The following CTNNA2 variants were observed in gnomAD, a reference collection of about 807,000 sequenced individuals.
The protein encoded by CTNNA2 is catenin alpha-2.
CTNNA2 carries 42 observed loss-of-function variants against 101.0 expected under a neutral mutation model. The observed-to-expected ratio is 0.42, with a 90% CI of 0.32 to 0.54. The LOEUF (loss-of-function observed/expected upper bound fraction) is 0.54. CTNNA2 is among the 20% of genes least tolerant of loss of function. The probability of loss-of-function intolerance (pLI) is 0.14; values close to 1 mark genes in which losing one functional copy is unlikely to be tolerated. For missense variants in CTNNA2, 871 were observed against 1,223.1 expected (o/e 0.71, Z 4.29); for synonymous variants, 450 against 456.4 (o/e 0.99, Z 0.18).
chr2:80,648,400 C>G lies in CTNNA2; in HGVS notation c.*528C>G, dbSNP rs2149875705. The stretch of plus-strand genomic sequence containing the variant: ...TCCGTGATATTATGTCGATTTTTAA[C>G]TGAGGGGAAATTAACTAGTCCAGCC... On this transcript the variant is annotated 3_prime_UTR_variant, in exon 19 of 19. Transcript: ENST00000402739. 1 of 152,692 alleles carries G rather than the reference C, an allele frequency of 6.5e-6. No individual in the cohort carries two copies. Among genetic ancestry groups the G allele is most frequent in the Middle Eastern group, 3.4e-3 (1 of 294 alleles). 9.5% of individuals were successfully genotyped at this position (152,692 alleles called of 1,614,324 possible).
chr2:79,377,662 A>G (rs1677993399), intron 4 of CTNNA2, among the ~76,000 whole-genome samples: 1 of 152,158 alleles, frequency 6.6e-6, no homozygotes, highest in South Asian at 2.1e-4. Context: ...GGAAAAGGGC[A>G]TGTTTGCTTT....
intron 2 of CTNNA2, among the ~76,000 whole-genome samples, chr2:79,227,290 A>T (rs935382269): frequency 6.6e-6 from 1 of 152,210 alleles, no homozygotes; most frequent in African/African-American, 2.4e-5. Flanking sequence ...ACCCAGGGGT[A>T]GGACTAGAAG....
intron 4 of CTNNA2, among the ~76,000 whole-genome samples, chr2:79,417,077 C>G (rs1678492680): frequency 1.3e-5 from 2 of 152,108 alleles, no homozygotes; most frequent in Admixed American, 1.3e-4. Flanking sequence ...CATAAGTATA[C>G]TCTAAGATCT....
intron 2 of CTNNA2, among the ~76,000 whole-genome samples, chr2:79,278,409 T>C (rs1675272176): frequency 6.6e-6 from 1 of 151,950 alleles, no homozygotes; most frequent in Non-Finnish European, 1.5e-5. Context: ...GGGAAAGGTA[T>C]TGGTAATAGG....
At chr2:80,401,302 A>G (rs935410753) in intron 8 of CTNNA2, among the ~76,000 whole-genome samples, 3 of 152,140 alleles carry the variant, frequency 2.0e-5, no homozygotes, top group African/African-American at 7.2e-5. Flanking sequence ...AAATATCCCA[A>G]TCATCAACTT....
chr2:79,877,685 T>G (rs1171568436), intron 6 of CTNNA2, among the ~76,000 whole-genome samples: 1 of 152,198 alleles, frequency 6.6e-6, no homozygotes, highest in Non-Finnish European at 1.5e-5. Flanking sequence ...TGGTTTACTT[T>G]TCTGGCAAAA....
At chr2:80,624,556 T>C (rs3770371) in intron 18 of CTNNA2, among the ~76,000 whole-genome samples, 55,526 of 151,768 alleles carry the variant, frequency 0.37, 10,906 homozygotes, top group East Asian at 0.49. Context: ...AGAAAGTGAG[T>C]CTTAGTTCAC....
chr2:80,567,305 G>A (rs970947383), intron 12 of CTNNA2, among the ~76,000 whole-genome samples: 2 of 152,136 alleles, frequency 1.3e-5, no homozygotes, highest in Non-Finnish European at 1.5e-5. Flanking sequence ...GTTCTTAAGT[G>A]GAACTAAAGG....
In CTNNA2 at chr2:79,433,963, G is replaced by T. The variant is rs545968746; in HGVS notation, c.-135+59950G>T. 5.3e-5 allele frequency among the ~76,000 whole-genome samples: 8 copies of T among 152,206 alleles called. No homozygotes were observed. The East Asian group carries it at 1.5e-3, about 29-fold the overall frequency. On this transcript the variant is annotated intron_variant, in intron 4 of 21. Coordinates refer to the CTNNA2 transcript ENST00000466387. The stretch of plus-strand genomic sequence containing the variant: ...ATAAAGAGCACATATTTTTCATTAA[G>T]CCAGTGTTCTTTAGAGAGGTGGTTC...
chr2:79,648,819 T>C (rs1030684681), intron 1 of CTNNA2, among the ~76,000 whole-genome samples: 2 of 152,218 alleles, frequency 1.3e-5, no homozygotes, highest in African/African-American at 4.8e-5. Context: ...TTCCTGGTTT[T>C]AGTCTCAACT....
chr2:80,338,484 G>C (rs1671956510), intron 7 of CTNNA2, among the ~76,000 whole-genome samples: 1 of 152,256 alleles, frequency 6.6e-6, no homozygotes, highest in East Asian at 1.9e-4. Flanking sequence ...TGGGAGAGCA[G>C]TACAAATAAT....
chr2:80,011,796 A>C (rs999085766), intron 7 of CTNNA2, among the ~76,000 whole-genome samples: 1 of 152,168 alleles, frequency 6.6e-6, no homozygotes, highest in African/African-American at 2.4e-5. Flanking sequence ...ACGATGTTCC[A>C]GTATCTATGT....
At chr2:79,586,393 C>T (rs1320268916) in intron 1 of CTNNA2, among the ~76,000 whole-genome samples, 3 of 152,118 alleles carry the variant, frequency 2.0e-5, no homozygotes, top group Non-Finnish European at 2.9e-5. Context: ...CTTATTTCTC[C>T]GCTCGGCCTC....
intron 9 of CTNNA2, among the ~76,000 whole-genome samples, chr2:80,519,470 TA>T (rs747900027): frequency 6.6e-6 from 1 of 152,204 alleles, no homozygotes; most frequent in Non-Finnish European, 1.5e-5. Flanking sequence ...GGATGCTCTC[TA>T]CACCCCCTTC....
chr2:79,928,583 CATT>C (rs1488858543), intron 7 of CTNNA2, among the ~76,000 whole-genome samples: 1 of 152,150 alleles, frequency 6.6e-6, no homozygotes, highest in Non-Finnish European at 1.5e-5. Context: ...AAATTTGATA[CATT>C]ATTATCCAAG....
chr2:80,373,170 A>G (rs1401972193), intron 7 of CTNNA2, among the ~76,000 whole-genome samples: 1 of 140,182 alleles, frequency 7.1e-6, no homozygotes, highest in Admixed American at 7.4e-5. Context: ...AGTGTTAATT[A>G]GTGGAGTGAA....
intron 7 of CTNNA2, among the ~76,000 whole-genome samples, chr2:80,121,152 T>C (rs1190119050): frequency 6.6e-6 from 1 of 152,200 alleles, no homozygotes; most frequent in East Asian, 1.9e-4. Flanking sequence ...TAAGTGAAAA[T>C]AGCAGGCTCT....
chr2:80,263,558 A>G (rs1672776144), intron 7 of CTNNA2, among the ~76,000 whole-genome samples: 4 of 151,924 alleles, frequency 2.6e-5, no homozygotes, highest in African/African-American at 4.8e-5. Context: ...CTGTTGTCGA[A>G]CTCCTAACCT....
chr2:80,538,684 C>A (rs910801342), intron 9 of CTNNA2, among the ~76,000 whole-genome samples: 6 of 152,150 alleles, frequency 3.9e-5, no homozygotes, highest in African/African-American at 1.4e-4. Flanking sequence ...GTTCTTTTTG[C>A]TTAGGATTGT....
Sources: allele counts gnomAD v4.1 joint callset (sites outside exome capture counted in the v4.1 genomes callset), GRCh38; gene constraint gnomAD v4.1.1; transcripts MANE v1.5; gene names NCBI Gene and HGNC (gene_info 2026-07-23, HGNC 2026-07-21).